The following ZFYVE26 variants were observed in gnomAD, a reference collection of about 807,000 sequenced individuals.
ZFYVE26 encodes the protein zinc finger FYVE-type containing 26, also known as zinc finger FYVE domain-containing protein 26.
ZFYVE26 carries 181 observed loss-of-function variants against 276.5 expected under a neutral mutation model. The observed-to-expected ratio is 0.65, with a 90% CI of 0.58 to 0.74. The LOEUF (loss-of-function observed/expected upper bound fraction) is 0.74, where lower values mean the gene tolerates loss of function less well. Ranked by LOEUF, ZFYVE26 falls within the 30% of genes least tolerant of loss-of-function variation. ZFYVE26 has a pLI of 0.00. For synonymous variants in ZFYVE26, 1,129 were observed against 1,203.1 expected, an observed-to-expected ratio of 0.94 and a Z score of 1.27; for missense variants, 2,821 against 3,097.9, an observed-to-expected ratio of 0.91 and a Z score of 2.12.
intron 35 of ZFYVE26, 58 bp from the exon 36 acceptor site, chr14:67,756,203 G>A: frequency 6.4e-7 from 1 of 1,571,030 alleles, no homozygotes; most frequent in Non-Finnish European, 8.8e-7. Flanking sequence ...GCACTGTCTG[G>A]GATCCACTCT....
In ZFYVE26 at chr14:67,748,430, C is replaced by T. The variant is rs767192534; in HGVS notation, c.*6G>A. Reference sequence around the variant, plus strand: ...GGCCACGTGTTCCTGGCCCCACTGCCCAAGGTCACTTCCTGGAGCCTGGGC... The same window carrying T: ...GGCCACGTGTTCCTGGCCCCACTGCTCAAGGTCACTTCCTGGAGCCTGGGC... On this transcript the variant is annotated 3_prime_UTR_variant, in exon 42 of 42. Coordinates refer to ENST00000347230, the MANE Select transcript of ZFYVE26 (RefSeq NM_015346.4). 3.1e-6 allele frequency: 5 copies of T among 1,611,724 alleles called. No individual in the cohort carries two copies. The highest frequency in any genetic ancestry group is 2.2e-5 in the South Asian group (2 of 90,974).
chr14:67,798,661 G>T (rs1250699035), intron 10 of ZFYVE26, 39 bp from the exon 11 acceptor site: 1 of 1,611,344 alleles, frequency 6.2e-7, no homozygotes, highest in Non-Finnish European at 8.5e-7. Flanking sequence ...CAGAGAAAGA[G>T]AAGACAGAGA....
In ZFYVE26 at chr14:67,752,397, C is replaced by T. The variant is rs573535673; in HGVS notation, c.7318G>A (p.Gly2440Arg). 1.4e-5 allele frequency: 22 copies of T among 1,612,876 alleles called. No individual in the cohort carries two copies. The East Asian group carries it at 2.0e-4, about 15-fold the overall frequency. Reference sequence around the variant, plus strand: ...AGGCAGTTGAGGAGGATGGTGTCCCCGTCACTTTTGGCTGCCATGCCTGAC... The same window carrying T: ...AGGCAGTTGAGGAGGATGGTGTCCCTGTCACTTTTGGCTGCCATGCCTGAC... ...SESGMAAKSD[G>R]DTILLNCLEA... is the part of the protein sequence containing the mutation. The change falls in exon 40 of 42, where the codon GGG (glycine) becomes AGG (arginine). Residue 2440 changes from glycine to arginine, a missense_variant. Physicochemically the swap from Gly to Arg is moderately radical, Grantham distance 125 (BLOSUM62 -2). Transcript: ENST00000347230.
At chr14:67,730,149 T>C (rs2038250702) in intron 13 of ZFYVE26, among the ~76,000 whole-genome samples, 1 of 152,252 alleles carries the variant, frequency 6.6e-6, no homozygotes, top group South Asian at 2.1e-4. Context: ...ATCACAACCC[T>C]GCGAGGCAGG....
intron 28 of ZFYVE26, 47 bp downstream of exon 28, chr14:67,772,000 T>C (rs1204987881): frequency 6.3e-7 from 1 of 1,599,548 alleles, no homozygotes; most frequent in African/African-American, 1.3e-5. Flanking sequence ...ACTAGAATTC[T>C]CCTTTACCTT....
chr14:67,760,094 G>C (rs1006959991), intron 35 of ZFYVE26, among the ~76,000 whole-genome samples: 1 of 152,162 alleles, frequency 6.6e-6, no homozygotes. Context: ...CACTGCTGTC[G>C]TCAGCTTATA....
downstream of ZFYVE26, among the ~76,000 whole-genome samples, chr14:67,743,225 C>T (rs933471362): frequency 1.3e-5 from 2 of 152,116 alleles, no homozygotes; most frequent in Non-Finnish European, 2.9e-5. Context: ...TGGTGGCTCA[C>T]ACCTGTAATC....
chr14:67,789,727 G>A (rs1450874353), intron 15 of ZFYVE26, 129 bp from the exon 16 acceptor site: 17 of 1,211,446 alleles, frequency 1.4e-5, no homozygotes, highest in Admixed American at 1.9e-5. Context: ...ATGTATATTA[G>A]CACTATCATT....
At chr14:67,760,080 A>G (rs1252098325) in intron 35 of ZFYVE26, among the ~76,000 whole-genome samples, 1 of 152,232 alleles carries the variant, frequency 6.6e-6, no homozygotes. Context: ...ATATAAAGCA[A>G]GGGCACTGCT....
chr14:67,729,654 C>T (rs559222003), exon 14 of ZFYVE26: 12 of 599,320 alleles, frequency 2.0e-5, no homozygotes, highest in African/African-American at 3.7e-5. Context: ...AGAAGACTGT[C>T]GCTGTTGGTT....
intron 39 of ZFYVE26, 144 bp from the exon 40 acceptor site, chr14:67,752,670 C>A: frequency 3.2e-6 from 3 of 936,662 alleles, no homozygotes; most frequent in Admixed American, 2.1e-5. Context: ...ATATACCAAA[C>A]AAAAAGCAAG....
rs2039380273 is a variant in ZFYVE26, at chr14:67,777,629, G to T, written c.4904C>A (p.Thr1635Asn). ...AGTCAGTTGTCCATAGAAGTGGGTG[G>T]TGAGGTAGTTGGCCAAGAAGTGAGA... ...ATSHFLANYL[T>N]THFYGQLTAV... The change falls in exon 25 of 42, where the codon ACC (threonine) becomes AAC (asparagine). Residue 1635 changes from threonine (T) to asparagine (N), a missense_variant. Coordinates refer to ENST00000347230, the MANE Select transcript of ZFYVE26 (RefSeq NM_015346.4). 1.9e-6 allele frequency: 3 copies of T among 1,614,020 alleles called. No individual in the cohort carries two copies. The highest frequency in any genetic ancestry group is 2.2e-5 in the South Asian group (2 of 91,072).
chr14:67,796,564 A>G (rs1407169819), intron 12 of ZFYVE26: 22 of 152,200 alleles, frequency 1.4e-4, no homozygotes, highest in Admixed American at 1.4e-3. Flanking sequence ...GAGGTGATAG[A>G]TATTACTCCA....
intron 31 of ZFYVE26, 68 bp from the exon 32 acceptor site, chr14:67,766,515 TG>T (rs1594895774): frequency 2.0e-6 from 3 of 1,468,266 alleles, no homozygotes; most frequent in African/African-American, 1.4e-5. Context: ...CAAAGGCAGC[TG>T]GGTGGCAGAA....
At chr14:67,769,541 G>A (rs2039148266) in intron 29 of ZFYVE26, 53 bp downstream of exon 29, 1 of 1,610,082 alleles carries the variant, frequency 6.2e-7, no homozygotes, top group Non-Finnish European at 8.5e-7. Context: ...GTAGGGACCT[G>A]CGGAAGGGTG....
intron 23 of ZFYVE26, among the ~76,000 whole-genome samples, chr14:67,779,280 G>A (rs1379134768): frequency 6.6e-6 from 1 of 152,250 alleles, no homozygotes; most frequent in East Asian, 1.9e-4. Flanking sequence ...AGGTAACAAG[G>A]GGCCAGGTGC....
Position 67,801,935 on chromosome 14 carries a change from CAGAT to C in ZFYVE26, c.1639+140_1639+143del, listed in dbSNP as rs140260950. The stretch of plus-strand genomic sequence containing the variant: ...CATGTCCCTTTGATTCAGAGGCTGA[CAGAT>C]GGATGAAACTATCCCTGGGTGAAAT... On this transcript the variant is annotated intron_variant, in intron 10 of 41. Transcript: ENST00000347230. 0.019 allele frequency: 17,541 copies of C among 903,902 alleles called. 416 individuals are homozygous for C. Among genetic ancestry groups the C allele is most frequent in the African/African-American group, 0.086 (5,301 of 61,440 alleles). 56.0% of individuals were successfully genotyped at this position (903,902 alleles called of 1,614,324 possible). A position where few individuals can be genotyped will look rare whatever the true frequency, so the allele number is the denominator to read the frequency against.
chr14:67,731,022 TA>T (rs2038264452), intron 13 of ZFYVE26, among the ~76,000 whole-genome samples: 1 of 152,182 alleles, frequency 6.6e-6, no homozygotes, highest in South Asian at 2.1e-4. Flanking sequence ...GATTGCATGC[TA>T]AAATGATTTT....
chr14:67,754,134 G>T lies in ZFYVE26; in HGVS notation c.7065C>A (p.Ile2355=). Residue 2355 remains isoleucine, a synonymous_variant, in exon 38 of 42, where the codon ATC becomes ATA. Coordinates refer to ENST00000347230, the MANE Select transcript of ZFYVE26 (RefSeq NM_015346.4). ...HRCESAGTSQ[I]TTLPLPTLFG... is the part of the protein sequence containing the mutation. The stretch of plus-strand genomic sequence containing the variant: ...ACAGGGTTGGCAGAGGCAAAGTGGT[G>T]ATTTGAGAGGTCCCAGCACTTTCGC... 1.2e-6 allele frequency: 2 copies of T among 1,614,244 alleles called. No homozygotes were observed. The highest frequency in any genetic ancestry group is 1.7e-6 in the Non-Finnish European group (2 of 1,180,042).
Sources: allele counts gnomAD v4.1 joint callset (sites outside exome capture counted in the v4.1 genomes callset), GRCh38; gene constraint gnomAD v4.1.1; transcripts MANE v1.5; gene names NCBI Gene and HGNC (gene_info 2026-07-23, HGNC 2026-07-21).